The following PPP2R5E variants were observed in gnomAD, a reference collection of about 807,000 sequenced individuals.
PPP2R5E encodes protein phosphatase 2 regulatory subunit B'epsilon, also known as serine/threonine-protein phosphatase 2A 56 kDa regulatory subunit epsilon isoform.
A neutral mutation model predicts 65.3 loss-of-function variants in PPP2R5E; 4 were observed. The observed-to-expected ratio is 0.06, with a 90% CI of 0.03 to 0.14. PPP2R5E has a LOEUF of 0.14. PPP2R5E is among the 10% of genes least tolerant of loss of function. The pLI, the probability that PPP2R5E is intolerant of heterozygous loss-of-function variation, is 1.00. For synonymous variants in PPP2R5E, 183 were observed against 187.4 expected (o/e 0.98, Z 0.19); for missense variants, 274 against 556.1 (o/e 0.49, Z 5.10).
chr14:63,379,333 G>A (rs2139735688), intron 13 of PPP2R5E, among the ~76,000 whole-genome samples: 1 of 152,250 alleles, frequency 6.6e-6, no homozygotes, highest in East Asian at 1.9e-4. Flanking sequence ...GTACAATGAT[G>A]CAATCTCTGC....
Position 63,384,428 on chromosome 14 carries a change from G to T in PPP2R5E, c.1202+16C>A. The T allele has an allele frequency of 6.2e-7, 1 of 1,609,168 alleles. No individual in the cohort carries two copies. ...GAAGGGAGGAAGAGAACGGAGGAAAGAAACTGAAAACCTACGGATTCCAAT... is the reference window on the plus strand; with the variant it reads ...GAAGGGAGGAAGAGAACGGAGGAAATAAACTGAAAACCTACGGATTCCAAT... On this transcript the variant is annotated intron_variant, in intron 12 of 13. Coordinates refer to ENST00000337537, the MANE Select transcript of PPP2R5E (RefSeq NM_006246.5).
intron 2 of PPP2R5E, among the ~76,000 whole-genome samples, chr14:63,479,822 C>G (rs1427010431): frequency 6.6e-6 from 1 of 152,142 alleles, no homozygotes; most frequent in Non-Finnish European, 1.5e-5. Context: ...ATGCAAGTGC[C>G]AGTTTTATAC....
In PPP2R5E at chr14:63,441,639, C is replaced by T. The variant is rs190630230; in HGVS notation, c.354+12050G>A. On this transcript the variant is annotated intron_variant, in intron 3 of 13. Coordinates refer to ENST00000337537, the MANE Select transcript of PPP2R5E (RefSeq NM_006246.5). ...AAAATACATAGAACACAGCAGGGCGCGGTGGTTCACGCCTGTAATCCCAGC... is the reference window on the plus strand; with the variant it reads ...AAAATACATAGAACACAGCAGGGCGTGGTGGTTCACGCCTGTAATCCCAGC... 7.5e-4 allele frequency among the ~76,000 whole-genome samples: 114 copies of T among 152,274 alleles called. 1 individual carries two copies. Among genetic ancestry groups the T allele is most frequent in the African/African-American group, 2.1e-3 (89 of 41,544 alleles).
chr14:63,478,474 C>A lies in PPP2R5E; in HGVS notation c.158-24589G>T, dbSNP rs139361453. On this transcript the variant is annotated intron_variant, in intron 2 of 13. Transcript: ENST00000337537. ...GAGTGAGAAAAGTGGCACCATTTTACACTTTTATACATCTCTTTAACATCT... is the reference window on the plus strand; with the variant it reads ...GAGTGAGAAAAGTGGCACCATTTTAAACTTTTATACATCTCTTTAACATCT... Among the ~76,000 whole-genome samples the A allele has an allele frequency of 9.0e-4, 137 of 152,242 alleles. No homozygotes were observed. In the East Asian group the frequency reaches 0.023, roughly 26 times the overall value.
At chr14:63,536,231 T>C (rs1435571187) in intron 2 of PPP2R5E, among the ~76,000 whole-genome samples, 1 of 152,166 alleles carries the variant, frequency 6.6e-6, no homozygotes, top group Non-Finnish European at 1.5e-5. Context: ...ACTTCACTTT[T>C]AAAAGTGAGA....
chr14:63,415,059 CT>C (rs1356519705), intron 5 of PPP2R5E, 80 bp downstream of exon 5: 84 of 1,030,474 alleles, frequency 8.2e-5, no homozygotes, highest in Non-Finnish European at 1.1e-4. Context: ...CATTGCAAAA[CT>C]TTTTTAACAA....
intron 2 of PPP2R5E, among the ~76,000 whole-genome samples, chr14:63,530,081 GCAAT>G (rs1893349272): frequency 6.6e-6 from 1 of 152,026 alleles, no homozygotes; most frequent in African/African-American, 2.4e-5. Flanking sequence ...TCTGATGAAA[GCAAT>G]CAATTCTCTC....
chr14:63,407,005 A>G (rs1188402912), intron 5 of PPP2R5E, among the ~76,000 whole-genome samples: 1 of 152,240 alleles, frequency 6.6e-6, no homozygotes, highest in Non-Finnish European at 1.5e-5. Context: ...CAAGAATCCT[A>G]ATAAAAATAT....
At chr14:63,505,918 C>A (rs1892147927) in intron 2 of PPP2R5E, among the ~76,000 whole-genome samples, 2 of 152,164 alleles carry the variant, frequency 1.3e-5, no homozygotes, top group South Asian at 2.1e-4. Flanking sequence ...AATATATACA[C>A]CCTAGGTATC....
intron 3 of PPP2R5E, among the ~76,000 whole-genome samples, chr14:63,437,513 C>T (rs1888002169): frequency 6.6e-6 from 1 of 152,118 alleles, no homozygotes; most frequent in South Asian, 2.1e-4. Flanking sequence ...TTAAGGGCAG[C>T]ACAAATACAA....
At chr14:63,424,988 T>C (rs1189282234) in intron 3 of PPP2R5E, among the ~76,000 whole-genome samples, 1 of 152,142 alleles carries the variant, frequency 6.6e-6, no homozygotes, top group Non-Finnish European at 1.5e-5. Flanking sequence ...TCCTATGAAG[T>C]GTACACTATT....
chr14:63,469,509 G>A (rs1294243016), intron 2 of PPP2R5E, among the ~76,000 whole-genome samples: 4 of 152,036 alleles, frequency 2.6e-5, no homozygotes, highest in Non-Finnish European at 5.9e-5. Flanking sequence ...TGGCTAACAC[G>A]GTGAAAACCC....
At chr14:63,519,387 G>T (rs1279725670) in intron 2 of PPP2R5E, among the ~76,000 whole-genome samples, 1 of 151,400 alleles carries the variant, frequency 6.6e-6, no homozygotes. Context: ...GTCTTGTTCT[G>T]TCACCCAGGC....
intron 2 of PPP2R5E, among the ~76,000 whole-genome samples, chr14:63,521,454 G>A (rs985253086): frequency 2.6e-5 from 4 of 152,202 alleles, no homozygotes; most frequent in African/African-American, 9.7e-5. Context: ...AGACCACAAG[G>A]TCAGGAGTTC....
At chr14:63,427,555 G>A (rs1233309952) in intron 3 of PPP2R5E, among the ~76,000 whole-genome samples, 1 of 152,128 alleles carries the variant, frequency 6.6e-6, no homozygotes, top group Non-Finnish European at 1.5e-5. Context: ...TAAGGCAGGA[G>A]GATCACTTGA....
At chr14:63,399,661 C>T (rs1885632633) in intron 5 of PPP2R5E, among the ~76,000 whole-genome samples, 1 of 151,918 alleles carries the variant, frequency 6.6e-6, no homozygotes, top group East Asian at 1.9e-4. Context: ...AAATCTGCTA[C>T]CTTTACAAAA....
intron 2 of PPP2R5E, among the ~76,000 whole-genome samples, chr14:63,476,133 A>G (rs1890401091): frequency 6.6e-6 from 1 of 152,234 alleles, no homozygotes; most frequent in Admixed American, 6.5e-5. Flanking sequence ...GAGTCAGAAT[A>G]TTCCACAAAC....
chr14:63,460,210 T>G (rs1446369156), intron 2 of PPP2R5E, among the ~76,000 whole-genome samples: 2 of 152,216 alleles, frequency 1.3e-5, no homozygotes, highest in Non-Finnish European at 2.9e-5. Flanking sequence ...TCCCTTTTAA[T>G]CCTCAGAATA....
intron 4 of PPP2R5E, among the ~76,000 whole-genome samples, chr14:63,418,171 C>G (rs189094590): frequency 6.6e-6 from 1 of 152,058 alleles, no homozygotes; most frequent in Non-Finnish European, 1.5e-5. Flanking sequence ...AGAATTGTTC[C>G]TTTTCTAATA....
Sources: allele counts gnomAD v4.1 joint callset (sites outside exome capture counted in the v4.1 genomes callset), GRCh38; gene constraint gnomAD v4.1.1; transcripts MANE v1.5; gene names NCBI Gene and HGNC (gene_info 2026-07-23, HGNC 2026-07-21).